Variants in TC2N observed in about 807,000 individuals in gnomAD.
TC2N encodes tandem C2 domains, nuclear.
In TC2N, 51 loss-of-function variants were observed where a neutral mutation model predicts 61.9. That is an observed-to-expected ratio of 0.82 (90% CI 0.66 to 1.04). The LOEUF (loss-of-function observed/expected upper bound fraction) is 1.04. Ranked by LOEUF, TC2N falls within the 50% of genes least tolerant of loss-of-function variation. The probability of loss-of-function intolerance (pLI) is 0.00; values close to 1 mark genes in which losing one functional copy is unlikely to be tolerated. For synonymous variants in TC2N, 204 were observed against 192.6 expected, an observed-to-expected ratio of 1.06 and a Z score of -0.49; for missense variants, 556 against 566.7, an observed-to-expected ratio of 0.98 and a Z score of 0.19.
At chr14:91,843,853 G>A (rs1455075581) in intron 1 of TC2N, among the ~76,000 whole-genome samples, 2 of 151,868 alleles carry the variant, frequency 1.3e-5, no homozygotes, top group African/African-American at 4.9e-5. Flanking sequence ...TAGAAGTGGA[G>A]GGAGGGGCTC....
chr14:91,826,271 G>A (rs1277081525), intron 1 of TC2N, among the ~76,000 whole-genome samples: 4 of 143,074 alleles, frequency 2.8e-5, no homozygotes, highest in Non-Finnish European at 6.0e-5. Flanking sequence ...GGGAAGCCGT[G>A]ATCGCATCAC....
chr14:91,818,687 T>G (rs1212959967), intron 1 of TC2N, among the ~76,000 whole-genome samples: 1 of 152,080 alleles, frequency 6.6e-6, no homozygotes, highest in Non-Finnish European at 1.5e-5. Flanking sequence ...TGGACGATAT[T>G]AAAAAGACCC....
rs2402068 is a variant in TC2N, at chr14:91,782,782, G to A, written c.*318C>T. ...TAAGTAAAGCTTAAAATACAAAAGC[G>A]AAAACATAATATAGAAAGAACTATC... is the stretch of plus-strand genomic sequence containing the variant. On this transcript the variant is annotated 3_prime_UTR_variant, in exon 12 of 12. Coordinates refer to ENST00000435962, the MANE Select transcript of TC2N (RefSeq NM_001128596.3). 207,983 of 211,104 alleles carry A rather than the reference G, an allele frequency of 0.99. 102,544 individuals carry two copies. Among genetic ancestry groups the A allele is most frequent in the East Asian group, 1 (8,372 of 8,372 alleles). 13.1% of individuals were successfully genotyped at this position (211,104 alleles called of 1,614,324 possible).
At chr14:91,844,785 A>G (rs1325695003) in intron 1 of TC2N, among the ~76,000 whole-genome samples, 2 of 149,290 alleles carry the variant, frequency 1.3e-5, no homozygotes, top group Admixed American at 1.3e-4. Flanking sequence ...AAAAAAAAAA[A>G]AAGCCACCTT....
intron 11 of TC2N, 119 bp from the exon 12 acceptor site, chr14:91,783,329 T>C: frequency 3.7e-6 from 2 of 538,140 alleles, no homozygotes; most frequent in Non-Finnish European, 6.5e-6. Flanking sequence ...TATTTTAAAT[T>C]AAACATCTTT....
chr14:91,853,629 ATT>A (rs34565741), intron 1 of TC2N, among the ~76,000 whole-genome samples: 99 of 141,766 alleles, frequency 7.0e-4, no homozygotes, highest in African/African-American at 1.5e-3. Flanking sequence ...CTCTGCTTGG[ATT>A]TTTTTTTTTT....
rs530632017 is a variant in TC2N, at chr14:91,807,403, G to A, written c.301+4909C>T. Among the ~76,000 whole-genome samples the A allele has an allele frequency of 3.3e-3, 501 of 152,308 alleles. 3 individuals are homozygous for A. The highest frequency in any genetic ancestry group is 0.01 in the African/African-American group (435 of 41,554). On this transcript the variant is annotated intron_variant, in intron 3 of 11. Coordinates refer to ENST00000435962, the MANE Select transcript of TC2N (RefSeq NM_001128596.3). Reference sequence around the variant, plus strand: ...CCAGCCCGTGAAAGCAGCTAGGAGGGAAGCTGTACCTTGCAAAGCCACAGG... The same window carrying A: ...CCAGCCCGTGAAAGCAGCTAGGAGGAAAGCTGTACCTTGCAAAGCCACAGG...
chr14:91,800,450 G>A (rs1285182609), intron 4 of TC2N, 78 bp from the exon 5 acceptor site: 1 of 690,658 alleles, frequency 1.4e-6, no homozygotes, highest in Non-Finnish European at 2.4e-6. Context: ...CTAAATCTCT[G>A]TAGCAATACA....
intron 1 of TC2N, among the ~76,000 whole-genome samples, chr14:91,817,070 G>T (rs944907771): frequency 1.3e-5 from 2 of 151,842 alleles, no homozygotes; most frequent in Non-Finnish European, 2.9e-5. Flanking sequence ...CTTTCATCAG[G>T]ATCATATTAA....
rs1047669704 is a variant in TC2N, at chr14:91,781,396, T to G, written c.*1704A>C. 1 of 152,096 alleles carries G rather than the reference T, an allele frequency of 6.6e-6. No individual in the cohort carries two copies. Among genetic ancestry groups the G allele is most frequent in the Admixed American group, 6.5e-5 (1 of 15,278 alleles). The allele number at this position is 152,096 out of a possible 1,614,324, so 9.4% of individuals were successfully genotyped here. On this transcript the variant is annotated 3_prime_UTR_variant, in exon 12 of 12. Transcript: ENST00000435962. ...TCTAATGTAAACCATGAACTTTGGA[T>G]GATAATGATGTTTCAGAGTAGGTTC... is the stretch of plus-strand genomic sequence containing the variant.
In TC2N at chr14:91,785,361, C is replaced by A; in HGVS notation, c.1163G>T (p.Ser388Ile). 3.1e-6 allele frequency: 5 copies of A among 1,610,568 alleles called. No individual in the cohort carries two copies. Among genetic ancestry groups the A allele is most frequent in the Admixed American group, 1.7e-5 (1 of 59,700 alleles). Residue 388 changes from serine to isoleucine, a missense_variant and splice_region_variant, in exon 11 of 12, where the codon AGT becomes ATT. Coordinates refer to ENST00000435962, the MANE Select transcript of TC2N (RefSeq NM_001128596.3). ...LPSSSTPLTL[S>I]FFVKVGMFSS... is the part of the protein sequence containing the mutation. ...AAACATTCCCACCTTCACGAAAAAA[C>A]CTAAAAAATTAGAAATATTGGTTTA...
chr14:91,859,277 A>G (rs2139925448), intron 1 of TC2N, among the ~76,000 whole-genome samples: 1 of 152,248 alleles, frequency 6.6e-6, no homozygotes. Context: ...ACTGTATGTA[A>G]ATCTTACCTT....
intron 3 of TC2N, among the ~76,000 whole-genome samples, chr14:91,810,880 T>C (rs1274879238): frequency 6.8e-6 from 1 of 146,664 alleles, no homozygotes; most frequent in Non-Finnish European, 1.5e-5. Context: ...AAAAAAAAAG[T>C]CTCAGAGACC....
chr14:91,843,508 G>A (rs1186203594), intron 1 of TC2N, among the ~76,000 whole-genome samples: 1 of 152,188 alleles, frequency 6.6e-6, no homozygotes, highest in African/African-American at 2.4e-5. Context: ...TAACAGAGAT[G>A]AGAAAGATTT....
chr14:91,845,229 C>T (rs1027872866), intron 1 of TC2N, among the ~76,000 whole-genome samples: 16 of 101,288 alleles, frequency 1.6e-4, no homozygotes, highest in Non-Finnish European at 2.1e-4. Context: ...GAAACTCCAT[C>T]TCAAAATAAA....
At chr14:91,819,204 C>T (rs902503815) in intron 1 of TC2N, among the ~76,000 whole-genome samples, 1 of 152,080 alleles carries the variant, frequency 6.6e-6, no homozygotes, top group Non-Finnish European at 1.5e-5. Context: ...GTGGTGTGTG[C>T]TTGTAATCCC....
intron 1 of TC2N, among the ~76,000 whole-genome samples, chr14:91,835,934 T>G (rs901775209): frequency 6.6e-6 from 1 of 151,940 alleles, no homozygotes; most frequent in Non-Finnish European, 1.5e-5. Context: ...GGCTGGGGTC[T>G]CCACCGTCCC....
At chr14:91,827,049 A>T (rs1887530988) in intron 1 of TC2N, among the ~76,000 whole-genome samples, 1 of 152,164 alleles carries the variant, frequency 6.6e-6, no homozygotes, top group African/African-American at 2.4e-5. Flanking sequence ...TGTAATATTT[A>T]TTCCACTTAT....
At chr14:91,790,756 A>G (rs906217976) in intron 9 of TC2N, among the ~76,000 whole-genome samples, 11 of 152,110 alleles carry the variant, frequency 7.2e-5, no homozygotes, top group Non-Finnish European at 7.3e-5. Flanking sequence ...GCAGATTACT[A>G]CCTACTAAGC....
Sources: allele counts gnomAD v4.1 joint callset (sites outside exome capture counted in the v4.1 genomes callset), GRCh38; gene constraint gnomAD v4.1.1; transcripts MANE v1.5; gene names NCBI Gene and HGNC (gene_info 2026-07-23, HGNC 2026-07-21).